The following FANCC variants were observed in gnomAD, a reference collection of about 807,000 sequenced individuals.
The protein encoded by FANCC is FA complementation group C.
FANCC carries 55 observed loss-of-function variants against 71.3 expected under a neutral mutation model. The observed-to-expected ratio is 0.77, with a 90% CI of 0.62 to 0.97. The LOEUF is 0.97. Among genes scored for constraint, FANCC ranks in the 50% least tolerant of loss-of-function variants. The pLI is 0.00. For missense variants in FANCC, 678 were observed against 670.9 expected, an observed-to-expected ratio of 1.01 and a Z score of -0.12; for synonymous variants, 275 against 244.9, an observed-to-expected ratio of 1.12 and a Z score of -1.15.
In FANCC at chr9:95,101,608, C is replaced by G. The variant is rs1363681376; in HGVS notation, c.*99G>C. ...GCTCATTCTCACAGCCCAGCGAGGG[C>G]ACTTACTCCACAAATGCGTGGCCAC... On this transcript the variant is annotated 3_prime_UTR_variant, in exon 15 of 15. Coordinates refer to ENST00000289081, the MANE Select transcript of FANCC (RefSeq NM_000136.3). The G allele has an allele frequency of 1.1e-5, 16 of 1,437,684 alleles. No individual in the cohort carries two copies. Among genetic ancestry groups the G allele is most frequent in the Non-Finnish European group, 1.4e-5 (15 of 1,037,212 alleles). The allele number at this position is 1,437,684 out of a possible 1,614,324, so 89.1% of individuals were successfully genotyped here. A position where few individuals can be genotyped will look rare whatever the true frequency, so the allele number is the denominator to read the frequency against.
intron 7 of FANCC, chr9:95,145,400 C>T (rs1378137388): frequency 6.6e-6 from 1 of 152,202 alleles, no homozygotes; most frequent in Non-Finnish European, 1.5e-5. Flanking sequence ...AATGGTAAAA[C>T]GTATGTGTTC....
At chr9:95,194,974 C>T (rs1261172421) in intron 4 of FANCC, among the ~76,000 whole-genome samples, 2 of 151,898 alleles carry the variant, frequency 1.3e-5, no homozygotes, top group South Asian at 2.1e-4. Context: ...CTGAGGCAGA[C>T]AGATCACGAG....
chr9:95,238,630 A>G (rs750305606), intron 4 of FANCC, among the ~76,000 whole-genome samples: 5 of 151,576 alleles, frequency 3.3e-5, no homozygotes, highest in Non-Finnish European at 5.9e-5. Flanking sequence ...CAGTGGCATG[A>G]TATCAGCTCA....
chr9:95,186,953 G>A (rs1257316937), intron 4 of FANCC, among the ~76,000 whole-genome samples: 2 of 152,034 alleles, frequency 1.3e-5, no homozygotes, highest in East Asian at 3.9e-4. Context: ...CACCACGCCT[G>A]GCTAATTTTT....
intron 10 of FANCC, among the ~76,000 whole-genome samples, chr9:95,122,983 G>A (rs1384980476): frequency 2.0e-5 from 3 of 152,174 alleles, no homozygotes; most frequent in Admixed American, 2.0e-4. Context: ...CAGGGAAAGT[G>A]AGGGTGGGAA....
chr9:95,103,993 G>T (rs1339088004), intron 14 of FANCC, among the ~76,000 whole-genome samples: 2 of 152,210 alleles, frequency 1.3e-5, no homozygotes, highest in Non-Finnish European at 2.9e-5. Flanking sequence ...GGAGGTGGCT[G>T]CGCTCGTGCT....
At chr9:95,230,827 A>C (rs2135991276) in intron 4 of FANCC, among the ~76,000 whole-genome samples, 1 of 152,284 alleles carries the variant, frequency 6.6e-6, no homozygotes. Flanking sequence ...CATCCTGCTG[A>C]TTAGTCCATT....
At chr9:95,113,404 G>A (rs1409530114) in intron 12 of FANCC, among the ~76,000 whole-genome samples, 1 of 152,180 alleles carries the variant, frequency 6.6e-6, no homozygotes, top group Non-Finnish European at 1.5e-5. Flanking sequence ...GAAAGAGGAA[G>A]CCAAAGAGTG....
rs1829452337 is a variant in FANCC, at chr9:95,224,010, A to G, written c.345+16639T>C. Among the ~76,000 whole-genome samples the G allele has an allele frequency of 2.0e-5, 3 of 152,234 alleles. No individual in the cohort carries two copies. The South Asian group carries it at 6.2e-4, about 32-fold the overall frequency. On this transcript the variant is annotated intron_variant, in intron 4 of 14. Transcript: ENST00000289081. Reference sequence around the variant, plus strand: ...ACAAACAGACAAACGAACAAAAAAAAGAAGTAATTACTATTTACACCTTAA... The same window carrying G: ...ACAAACAGACAAACGAACAAAAAAAGGAAGTAATTACTATTTACACCTTAA...
intron 6 of FANCC, among the ~76,000 whole-genome samples, chr9:95,168,799 G>A (rs1825475842): frequency 6.6e-6 from 1 of 152,204 alleles, no homozygotes; most frequent in Non-Finnish European, 1.5e-5. Context: ...AAAGTGCTGG[G>A]ATTAAAGGCA....
rs1395763371 is a variant in FANCC, at chr9:95,100,028, AC to A, written c.*1678del. On this transcript the variant is annotated 3_prime_UTR_variant, in exon 15 of 15. Transcript: ENST00000289081. ...CTCTCTCTAGGGGTTCCCTGCTGCC[AC>A]CATGTCCACAGAGGAGTCACAGCTT... 2 of 232,090 alleles carry A rather than the reference AC, an allele frequency of 8.6e-6. No individual in the cohort carries two copies. Among genetic ancestry groups the A allele is most frequent in the Non-Finnish European group, 1.7e-5 (2 of 117,396 alleles). 14.4% of individuals were successfully genotyped at this position (232,090 alleles called of 1,614,324 possible).
intron 14 of FANCC, among the ~76,000 whole-genome samples, chr9:95,104,870 C>T (rs905049188): frequency 6.6e-6 from 1 of 152,156 alleles, no homozygotes. Flanking sequence ...CCCTCCCCAG[C>T]CCCCCATAAG....
At chr9:95,111,680 C>A (rs748111709) in intron 12 of FANCC, 43 bp from the exon 13 acceptor site, 11 of 1,612,116 alleles carry the variant, frequency 6.8e-6, no homozygotes, top group African/African-American at 1.3e-5. Context: ...AACCTAAATT[C>A]TTCTTCCTTT....
chr9:95,299,640 C>T (rs565236507), intron 1 of FANCC, among the ~76,000 whole-genome samples: 11 of 152,090 alleles, frequency 7.2e-5, no homozygotes, highest in Non-Finnish European at 1.5e-4. Flanking sequence ...GAAGGAGGAT[C>T]GCTTGAGTCC....
At chr9:95,135,231 T>C in intron 8 of FANCC, 115 bp downstream of exon 8, 1 of 1,016,878 alleles carries the variant, frequency 9.8e-7, no homozygotes, top group South Asian at 1.3e-5. Flanking sequence ...CGATTATATA[T>C]AAAGGTTCCA....
intron 6 of FANCC, among the ~76,000 whole-genome samples, chr9:95,156,997 G>C (rs912067018): frequency 6.6e-6 from 1 of 152,144 alleles, no homozygotes; most frequent in African/African-American, 2.4e-5. Flanking sequence ...TTAAAGTCAG[G>C]AGAGTCCCAT....
chr9:95,102,789 T>C (rs2071160153), intron 14 of FANCC, among the ~76,000 whole-genome samples: 1 of 152,212 alleles, frequency 6.6e-6, no homozygotes, highest in Non-Finnish European at 1.5e-5. Flanking sequence ...TCTTGTCGCA[T>C]GCGCACTGTG....
Position 95,293,055 on chromosome 9 carries a change from C to A in FANCC, c.-79+24471G>T, listed in dbSNP as rs911283390. 3 of 1,599,336 alleles carry A rather than the reference C, an allele frequency of 1.9e-6. No homozygotes were observed. In the African/African-American group the frequency reaches 4.0e-5, roughly 21 times the overall value. On this transcript the variant is annotated intron_variant, in intron 1 of 14. Coordinates refer to ENST00000289081, the MANE Select transcript of FANCC (RefSeq NM_000136.3). The stretch of plus-strand genomic sequence containing the variant: ...CTGTGCAAAACCAGAAGTTATCCAA[C>A]AAGACCACTGAATCATTTAACAACC...
intron 6 of FANCC, among the ~76,000 whole-genome samples, chr9:95,156,553 A>G (rs1011409447): frequency 1.3e-5 from 2 of 152,202 alleles, no homozygotes; most frequent in African/African-American, 4.8e-5. Flanking sequence ...TATACCTATC[A>G]GAAGATTGAA....
Sources: allele counts gnomAD v4.1 joint callset (sites outside exome capture counted in the v4.1 genomes callset), GRCh38; gene constraint gnomAD v4.1.1; transcripts MANE v1.5; gene names NCBI Gene and HGNC (gene_info 2026-07-23, HGNC 2026-07-21).